The following SLC6A19 variants were observed in gnomAD, a reference collection of about 807,000 sequenced individuals.
SLC6A19 encodes sodium-dependent neutral amino acid transporter B(0)AT1.
Under a neutral mutation model 68.3 loss-of-function variants are expected in SLC6A19, and 67 were observed. The ratio of observed to expected loss-of-function variants is 0.98; its 90% CI spans 0.81 to 1.20. The LOEUF (loss-of-function observed/expected upper bound fraction) is 1.20, where lower values mean the gene tolerates loss of function less well. Among genes scored for constraint, SLC6A19 ranks in the 50% most tolerant of loss-of-function variants. SLC6A19 has a pLI of 0.00. For synonymous variants in SLC6A19, 392 were observed against 374.9 expected, an observed-to-expected ratio of 1.05 and a Z score of -0.53; for missense variants, 813 against 851.6, an observed-to-expected ratio of 0.95 and a Z score of 0.56.
chr5:1,222,124 C>T lies in SLC6A19; in HGVS notation c.*220C>T, dbSNP rs1031747041. ...GTGTGAGTGTGCACGTGTATGCACA[C>T]ATATACATGTGTGTGGGTGTGTGTA... On this transcript the variant is annotated 3_prime_UTR_variant, in exon 12 of 12. Coordinates refer to ENST00000304460, the MANE Select transcript of SLC6A19 (RefSeq NM_001003841.3). The T allele has an allele frequency of 1.6e-6, 1 of 611,758 alleles. No homozygotes were observed. Among genetic ancestry groups the T allele is most frequent in the Non-Finnish European group, 2.9e-6 (1 of 345,384 alleles). The allele number at this position is 611,758 out of a possible 1,614,324, so 37.9% of individuals were successfully genotyped here. A position where few individuals can be genotyped will look rare whatever the true frequency, so the allele number is the denominator to read the frequency against.
chr5:1,214,532 C>T lies in SLC6A19; in HGVS notation c.887+467C>T, dbSNP rs1025673704. Among the ~76,000 whole-genome samples, 2 of 152,214 alleles carry T rather than the reference C, an allele frequency of 1.3e-5. No individual in the cohort carries two copies. The highest frequency in any genetic ancestry group is 3.4e-3 in the Middle Eastern group (1 of 294). ...TGGGAAGGATGCATACCCTGGAGTC[C>T]CCAGCAGCGTCTGGGAGGAGCACAG... On this transcript the variant is annotated intron_variant, in intron 6 of 11. Transcript: ENST00000304460. This position sits in a 1 kb window ranked among gnomAD's most constrained non-coding sequence, Gnocchi z 7.4.
At position 1,215,799 on chromosome 5, in the gene SLC6A19, G is replaced by A. The variant is rs1746191927; in HGVS notation, c.888-759G>A. Reference sequence around the variant, plus strand: ...CTGGCCTCTACATGCAGTCCTTCGAGGAGCTGTCAGGCTGTTTTCCACGGT... The same window carrying A: ...CTGGCCTCTACATGCAGTCCTTCGAAGAGCTGTCAGGCTGTTTTCCACGGT... On this transcript the variant is annotated intron_variant, in intron 6 of 11. Coordinates refer to ENST00000304460, the MANE Select transcript of SLC6A19 (RefSeq NM_001003841.3). The surrounding 1 kb of genome is among the most constrained non-coding windows in gnomAD (Gnocchi z 5.1). 6.6e-6 allele frequency among the ~76,000 whole-genome samples: 1 copy of A among 152,180 alleles called. No homozygotes were observed. Among genetic ancestry groups the A allele is most frequent in the Non-Finnish European group, 1.5e-5 (1 of 68,026 alleles).
At position 1,212,576 on chromosome 5, in the gene SLC6A19, TG is replaced by T; in HGVS notation, c.663+97del. On this transcript the variant is annotated intron_variant, in intron 4 of 11. Transcript: ENST00000304460. The surrounding 1 kb of genome is among the most constrained non-coding windows in gnomAD (Gnocchi z 5.1). ...CCGGCTGCACTCTAAAACCCAGGTC[TG>T]GGGGTCCCGGGCTCTGCCTTTCCCC... The T allele has an allele frequency of 1.3e-6, 2 of 1,522,488 alleles. No individual in the cohort carries two copies. Among genetic ancestry groups the T allele is most frequent in the South Asian group, 2.3e-5 (2 of 88,480 alleles). 94.3% of individuals were successfully genotyped at this position (1,522,488 alleles called of 1,614,324 possible). A position where few individuals can be genotyped will look rare whatever the true frequency, so the allele number is the denominator to read the frequency against.
At chr5:1,210,399 G>A in intron 2 of SLC6A19, 45 bp from the exon 3 acceptor site, 1 of 1,609,260 alleles carries the variant, frequency 6.2e-7, no homozygotes, top group Non-Finnish European at 8.5e-7. Context: ...GTGGCCAGTG[G>A]AGGGTGTGCC....
intron 1 of SLC6A19, 67 bp from the exon 2 acceptor site, chr5:1,208,679 T>C: frequency 2.5e-6 from 4 of 1,609,682 alleles, no homozygotes; most frequent in Non-Finnish European, 3.4e-6. Flanking sequence ...GAATGCCTGC[T>C]CCCGAGGGAG....
intron 8 of SLC6A19, among the ~76,000 whole-genome samples, chr5:1,218,039 C>T (rs529212547): frequency 1.3e-5 from 2 of 152,222 alleles, no homozygotes; most frequent in African/African-American, 4.8e-5. Flanking sequence ...CACCTCCTGC[C>T]TCCTCCCGCC....
At chr5:1,221,570 G>A in intron 11 of SLC6A19, 131 bp from the exon 12 acceptor site, 3 of 1,207,616 alleles carry the variant, frequency 2.5e-6, no homozygotes, top group African/African-American at 1.5e-5. Context: ...AGGGGAAGCT[G>A]GAGGAGCCCC....
Position 1,204,452 on chromosome 5 carries a change from G to A in SLC6A19, c.202+2600G>A, listed in dbSNP as rs193098353. Among the ~76,000 whole-genome samples the A allele has an allele frequency of 2.8e-4, 42 of 152,356 alleles. 1 individual carries two copies. The highest frequency in any genetic ancestry group is 1.0e-3 in the African/African-American group (42 of 41,580). On this transcript the variant is annotated intron_variant, in intron 1 of 11. Transcript: ENST00000304460. ...CTGGGGGCAGTGGGCAGGTGTGCAG[G>A]AACAGCAACCAAAAGCCGTGAGGCG...
In SLC6A19 at chr5:1,209,100, A is replaced by T. The variant is rs563304318; in HGVS notation, c.343+214A>T. On this transcript the variant is annotated intron_variant, in intron 2 of 11. Coordinates refer to ENST00000304460, the MANE Select transcript of SLC6A19 (RefSeq NM_001003841.3). The surrounding 1 kb of genome is among the most constrained non-coding windows in gnomAD (Gnocchi z 5.5). ...CACCAGGAACCAGACAGGCCAGCAGAGGCCGCCCGAGTCCCTGGCAGCCCA... is the reference window on the plus strand; with the variant it reads ...CACCAGGAACCAGACAGGCCAGCAGTGGCCGCCCGAGTCCCTGGCAGCCCA... 3.0e-4 allele frequency among the ~76,000 whole-genome samples: 45 copies of T among 152,288 alleles called. No individual in the cohort carries two copies. The highest frequency in any genetic ancestry group is 1.1e-3 in the African/African-American group (44 of 41,572).
intron 1 of SLC6A19, among the ~76,000 whole-genome samples, chr5:1,206,259 C>T (rs1038368169): frequency 2.7e-4 from 41 of 151,672 alleles, no homozygotes; most frequent in Admixed American, 1.0e-3. Flanking sequence ...CTCTCTCCAT[C>T]GCCCTGTCTG....
At position 1,222,171 on chromosome 5, in the gene SLC6A19, G is replaced by A; in HGVS notation, c.*267G>A. On this transcript the variant is annotated 3_prime_UTR_variant, in exon 12 of 12. Coordinates refer to ENST00000304460, the MANE Select transcript of SLC6A19 (RefSeq NM_001003841.3). ...TGTATTGTATGTGCATGTGCCATGT[G>A]TGCAGATGTGTCATGTTGTGTGTGT... is the stretch of plus-strand genomic sequence containing the variant. 3.3e-6 allele frequency: 2 copies of A among 597,060 alleles called. No homozygotes were observed. Among genetic ancestry groups the A allele is most frequent in the Admixed American group, 3.0e-5 (1 of 33,722 alleles). 37.0% of individuals were successfully genotyped at this position (597,060 alleles called of 1,614,324 possible). A position where few individuals can be genotyped will look rare whatever the true frequency, so the allele number is the denominator to read the frequency against.
intron 8 of SLC6A19, among the ~76,000 whole-genome samples, chr5:1,218,381 C>T (rs1417840621): frequency 6.6e-6 from 1 of 152,208 alleles, no homozygotes. Flanking sequence ...ATCGCCAGGA[C>T]CGTGATGGGC....
Position 1,215,999 on chromosome 5 carries a change from A to C in SLC6A19, c.888-559A>C, listed in dbSNP as rs893111152. On this transcript the variant is annotated intron_variant, in intron 6 of 11. Coordinates refer to ENST00000304460, the MANE Select transcript of SLC6A19 (RefSeq NM_001003841.3). This position sits in a 1 kb window ranked among gnomAD's most constrained non-coding sequence, Gnocchi z 5.1. ...GGCTAACAGATTCAGCTTTTGATGG[A>C]AGCATCTGGAAGGATGGTGTCAGCA... Among the ~76,000 whole-genome samples the C allele has an allele frequency of 1.3e-5, 2 of 152,138 alleles. No homozygotes were observed. Among genetic ancestry groups the C allele is most frequent in the African/African-American group, 4.8e-5 (2 of 41,424 alleles).
chr5:1,210,412 G>C, intron 2 of SLC6A19, 32 bp from the exon 3 acceptor site: 1 of 1,610,902 alleles, frequency 6.2e-7, no homozygotes, highest in African/African-American at 1.3e-5. Context: ...GGTGTGCCTC[G>C]GCCCCAAGCC....
chr5:1,208,912 C>T (rs537565167), intron 2 of SLC6A19, 26 bp downstream of exon 2: 82 of 1,598,248 alleles, frequency 5.1e-5, no homozygotes, highest in African/African-American at 4.6e-4. Context: ...CAGTTCCACC[C>T]GGGCCCAGGG....
At chr5:1,216,354 C>A (rs1165092917) in intron 6 of SLC6A19, among the ~76,000 whole-genome samples, 1 of 152,176 alleles carries the variant, frequency 6.6e-6, no homozygotes, top group Non-Finnish European at 1.5e-5. Flanking sequence ...GAGCAGGGGA[C>A]CAGGTGCTGC....
chr5:1,207,806 A>T (rs1479368959), intron 1 of SLC6A19, among the ~76,000 whole-genome samples: 2 of 152,230 alleles, frequency 1.3e-5, no homozygotes, highest in Non-Finnish European at 2.9e-5. Flanking sequence ...CTACAGTTCT[A>T]GCCCAGACTG....
chr5:1,208,958 A>G, intron 2 of SLC6A19, 72 bp downstream of exon 2: 1 of 1,541,298 alleles, frequency 6.5e-7, no homozygotes, highest in Non-Finnish European at 8.7e-7. Flanking sequence ...ACCCGGGCCC[A>G]GGGTTCGCCT....
At chr5:1,205,308 G>A (rs1745823340) in intron 1 of SLC6A19, among the ~76,000 whole-genome samples, 1 of 152,272 alleles carries the variant, frequency 6.6e-6, no homozygotes, top group Non-Finnish European at 1.5e-5. Flanking sequence ...ATATTCTGGT[G>A]GCTTTAATTG....
Sources: allele counts gnomAD v4.1 joint callset (sites outside exome capture counted in the v4.1 genomes callset), GRCh38; gene constraint gnomAD v4.1.1; non-coding constraint Gnocchi (gnomAD v3.1); transcripts MANE v1.5; gene names NCBI Gene and HGNC (gene_info 2026-07-23, HGNC 2026-07-21).